CHD8: variants seen among roughly 807,000 people sequenced by gnomAD.
The protein encoded by CHD8 is chromodomain helicase DNA binding protein 8.
CHD8 carries 31 observed loss-of-function variants against 279.2 expected under a neutral mutation model. The ratio of observed to expected loss-of-function variants is 0.11; its 90% CI spans 0.08 to 0.15. The LOEUF is 0.15. CHD8 is among the 10% of genes least tolerant of loss of function. CHD8 has a pLI of 1.00. For synonymous variants in CHD8, 1,081 were observed against 1,139.6 expected (o/e 0.95, Z 1.04); for missense variants, 2,146 against 3,230.5 (o/e 0.66, Z 8.14).
intron 1 of CHD8, among the ~76,000 whole-genome samples, chr14:21,434,847 C>G (rs1889714586): frequency 6.6e-6 from 1 of 152,118 alleles, no homozygotes; most frequent in African/African-American, 2.4e-5. Flanking sequence ...TTTAACCCTC[C>G]TTCTACTACT....
intron 5 of CHD8, among the ~76,000 whole-genome samples, chr14:21,417,583 G>A (rs1248668770): frequency 7.2e-5 from 11 of 151,888 alleles, no homozygotes; most frequent in East Asian, 3.9e-4. Context: ...AGCCGGGCAC[G>A]GTGGCTCACG....
Position 21,443,101 on chromosome 14 carries a change from A to T in CHD8, c.-215-11243T>A, listed in dbSNP as rs567822259. Reference sequence around the variant, plus strand: ...AAACACTATGCAGGATAAAGAAAACACTTAGCTGGGCTGGGCTCAGTGGCT... The same window carrying T: ...AAACACTATGCAGGATAAAGAAAACTCTTAGCTGGGCTGGGCTCAGTGGCT... On this transcript the variant is annotated intron_variant, in intron 1 of 37. Transcript: ENST00000646647. Among the ~76,000 whole-genome samples, 3 of 152,264 alleles carry T rather than the reference A, an allele frequency of 2.0e-5. No homozygotes were observed. The South Asian group carries it at 6.2e-4, about 32-fold the overall frequency.
intron 34 of CHD8, 23 bp from the exon 35 acceptor site, chr14:21,391,969 C>CA: frequency 1.3e-6 from 2 of 1,492,456 alleles, no homozygotes. Flanking sequence ...CCCACCCACC[C>CA]AAGACATCAT....
intron 1 of CHD8, among the ~76,000 whole-genome samples, chr14:21,436,686 G>T (rs1356952265): frequency 1.3e-5 from 2 of 152,174 alleles, no homozygotes; most frequent in Non-Finnish European, 2.9e-5. Flanking sequence ...TCATTTGGGG[G>T]AATATAAGGC....
intron 20 of CHD8, chr14:21,401,752 T>A (rs1888048081): frequency 3.4e-6 from 2 of 589,832 alleles, no homozygotes; most frequent in Admixed American, 6.9e-5. Context: ...TCCTGGCTAA[T>A]TTTTGTATTT....
intron 2 of CHD8, 61 bp from the exon 3 acceptor site, chr14:21,429,396 T>A (rs1889466835): frequency 6.6e-7 from 1 of 1,513,404 alleles, no homozygotes; most frequent in Non-Finnish European, 9.1e-7. Context: ...CTCTGAAATA[T>A]TTACACCAGT....
intron 1 of CHD8, among the ~76,000 whole-genome samples, chr14:21,453,252 T>TA (rs1890302539): frequency 6.6e-6 from 1 of 151,818 alleles, no homozygotes; most frequent in Admixed American, 6.5e-5. Context: ...GGTCAGGAGT[T>TA]AAAGACCAGC....
At chr14:21,429,534 A>G in intron 2 of CHD8, 199 bp from the exon 3 acceptor site, 1 of 721,396 alleles carries the variant, frequency 1.4e-6, no homozygotes, top group Middle Eastern at 2.8e-4. Flanking sequence ...TGTATTGCCC[A>G]GGCTAGAGTG....
chr14:21,411,026 T>C (rs1417234913), intron 10 of CHD8, among the ~76,000 whole-genome samples: 1 of 152,184 alleles, frequency 6.6e-6, no homozygotes, highest in Non-Finnish European at 1.5e-5. Context: ...AGAATAGTAT[T>C]AGCCAATACT....
chr14:21,438,948 GA>G (rs1311990555), intron 1 of CHD8, among the ~76,000 whole-genome samples: 1 of 152,078 alleles, frequency 6.6e-6, no homozygotes, highest in Non-Finnish European at 1.5e-5. Context: ...CCAACATAGC[GA>G]AACCCCATCT....
intron 1 of CHD8, chr14:21,436,854 A>T: frequency 1.4e-6 from 1 of 713,836 alleles, no homozygotes; most frequent in Non-Finnish European, 2.0e-6. Context: ...GTTGATGGAG[A>T]GGAAAACGCG....
At chr14:21,386,345 A>G (rs886722122) in intron 37 of CHD8, 169 bp from the exon 38 acceptor site, 41 of 621,380 alleles carry the variant, frequency 6.6e-5, no homozygotes, top group Non-Finnish European at 1.0e-4. Flanking sequence ...GAAGGAGGAA[A>G]TGCTGGACTT....
At chr14:21,422,687 G>A (rs1240896479) in intron 5 of CHD8, among the ~76,000 whole-genome samples, 1 of 152,164 alleles carries the variant, frequency 6.6e-6, no homozygotes, top group Non-Finnish European at 1.5e-5. Flanking sequence ...CAGAACTTTG[G>A]GAGGCTGAGG....
intron 1 of CHD8, chr14:21,437,310 A>G (rs1028217091): frequency 1.2e-5 from 14 of 1,120,886 alleles, no homozygotes; most frequent in Non-Finnish European, 1.6e-5. Context: ...TCATTGGCTG[A>G]AGCGCACTGC....
At chr14:21,399,752 A>G in intron 25 of CHD8, 47 bp from the exon 26 acceptor site, 1 of 1,313,816 alleles carries the variant, frequency 7.6e-7, no homozygotes, top group South Asian at 1.2e-5. Flanking sequence ...CAGGAAATTA[A>G]AGTGAGAATC....
At chr14:21,454,022 G>C (rs569155671) in intron 1 of CHD8, among the ~76,000 whole-genome samples, 1 of 151,738 alleles carries the variant, frequency 6.6e-6, no homozygotes, top group Non-Finnish European at 1.5e-5. Flanking sequence ...GCCAAGCATG[G>C]TGGCGGGCGC....
In CHD8 at chr14:21,400,729, A is replaced by G; in HGVS notation, c.4371-117T>C. On this transcript the variant is annotated intron_variant, in intron 22 of 37. Coordinates refer to ENST00000646647, the MANE Select transcript of CHD8 (RefSeq NM_001170629.2). This position sits in a 1 kb window ranked among gnomAD's most constrained non-coding sequence, Gnocchi z 4.2. ...ATCTTAAAAAACATGGTAACAGAAT[A>G]AACAGAACAAACTCCCTCCAAGGCA... is the stretch of plus-strand genomic sequence containing the variant. 7.9e-7 allele frequency: 1 copy of G among 1,264,708 alleles called. No individual in the cohort carries two copies. The allele number at this position is 1,264,708 out of a possible 1,614,324, so 78.3% of individuals were successfully genotyped here.
intron 1 of CHD8, among the ~76,000 whole-genome samples, chr14:21,443,202 T>A (rs1890027604): frequency 6.6e-6 from 1 of 151,718 alleles, no homozygotes; most frequent in Non-Finnish European, 1.5e-5. Flanking sequence ...CCATCCTGGC[T>A]AACACGGTGA....
At chr14:21,439,761 G>A (rs188945778) in intron 1 of CHD8, among the ~76,000 whole-genome samples, 25 of 152,220 alleles carry the variant, frequency 1.6e-4, no homozygotes, top group African/African-American at 6.0e-4. Context: ...TATATTTCCT[G>A]TCTTATTTTC....
Sources: gnomAD v4.1 joint callset for allele counts (sites outside exome capture counted in the v4.1 genomes callset) on GRCh38, gnomAD v4.1.1 for gene constraint, Gnocchi (gnomAD v3.1) non-coding constraint, MANE v1.5 for transcripts, NCBI Gene and HGNC (gene_info 2026-07-23, HGNC 2026-07-21) for gene names.